SORCS2: variants seen among roughly 807,000 people sequenced by gnomAD.
The protein encoded by SORCS2 is sortilin related VPS10 domain containing receptor 2.
Under a neutral mutation model 141.6 loss-of-function variants are expected in SORCS2, and 100 were observed. The ratio of observed to expected loss-of-function variants is 0.71; its 90% CI spans 0.60 to 0.83. SORCS2 has a LOEUF of 0.83. Ranked by LOEUF, SORCS2 falls within the 40% of genes least tolerant of loss-of-function variation. The probability of loss-of-function intolerance (pLI) is 0.00; values close to 1 mark genes in which losing one functional copy is unlikely to be tolerated. For missense variants in SORCS2, 1,646 were observed against 1,560.2 expected (o/e 1.05, Z -0.93); for synonymous variants, 789 against 676.9 (o/e 1.17, Z -2.57).
chr4:7,638,804 C>T (rs1384205232), intron 4 of SORCS2, among the ~76,000 whole-genome samples: 1 of 152,242 alleles, frequency 6.6e-6, no homozygotes, highest in Admixed American at 6.5e-5. Flanking sequence ...CTCGCCATCC[C>T]TTTCTGCACA....
chr4:7,593,510 C>T (rs1717052762), intron 3 of SORCS2, among the ~76,000 whole-genome samples: 1 of 152,190 alleles, frequency 6.6e-6, no homozygotes, highest in Admixed American at 6.5e-5. Context: ...TGCTCCCCTT[C>T]CAAGGCCCTT....
intron 3 of SORCS2, among the ~76,000 whole-genome samples, chr4:7,611,931 A>G (rs550740271): frequency 1.3e-5 from 2 of 152,236 alleles, no homozygotes; most frequent in Non-Finnish European, 2.9e-5. Context: ...CCGAGAGGCC[A>G]GGGAGGCCAG....
At chr4:7,306,791 C>T (rs904474592) in intron 1 of SORCS2, among the ~76,000 whole-genome samples, 3 of 152,176 alleles carry the variant, frequency 2.0e-5, no homozygotes, top group African/African-American at 4.8e-5. Flanking sequence ...GGCCCCGTCC[C>T]TGGAGGGGTG....
intron 2 of SORCS2, among the ~76,000 whole-genome samples, chr4:7,513,070 G>A (rs1298262250): frequency 1.3e-5 from 2 of 150,692 alleles, no homozygotes; most frequent in Non-Finnish European, 3.0e-5. Flanking sequence ...GGAGAGGGTC[G>A]CAGCCTGAAG....
intron 6 of SORCS2, among the ~76,000 whole-genome samples, chr4:7,661,784 G>A (rs1418362230): frequency 6.6e-6 from 1 of 152,210 alleles, no homozygotes; most frequent in African/African-American, 2.4e-5. Flanking sequence ...TATTAAGGGG[G>A]CGATTTGTTC....
intron 2 of SORCS2, among the ~76,000 whole-genome samples, chr4:7,506,569 G>C (rs41420347): frequency 6.6e-6 from 1 of 151,590 alleles, no homozygotes; most frequent in Non-Finnish European, 1.5e-5. Context: ...AGTGGAACCC[G>C]TAAGTCACAA....
chr4:7,209,858 T>C (rs1727961890), intron 1 of SORCS2, among the ~76,000 whole-genome samples: 1 of 152,116 alleles, frequency 6.6e-6, no homozygotes, highest in South Asian at 2.1e-4. Flanking sequence ...CCAGAGAGCA[T>C]TTTGGGAGGT....
At chr4:7,732,488 G>A (rs1711781409) in intron 23 of SORCS2, among the ~76,000 whole-genome samples, 1 of 152,296 alleles carries the variant, frequency 6.6e-6, no homozygotes, top group South Asian at 2.1e-4. Flanking sequence ...GGCCCACAAG[G>A]CTGGCTGCCT....
intron 1 of SORCS2, among the ~76,000 whole-genome samples, chr4:7,345,459 C>G (rs1347422330): frequency 6.6e-6 from 1 of 152,116 alleles, no homozygotes; most frequent in Non-Finnish European, 1.5e-5. Flanking sequence ...CAGTGAGGGG[C>G]AGTAACTTGG....
At chr4:7,661,434 G>A (rs1012467160) in intron 5 of SORCS2, 66 bp from the exon 6 acceptor site, 2 of 1,517,178 alleles carry the variant, frequency 1.3e-6, no homozygotes, top group Non-Finnish European at 1.8e-6. Context: ...AGGGAGTGTG[G>A]GGAGCAGCTG....
intron 24 of SORCS2, among the ~76,000 whole-genome samples, chr4:7,733,679 G>A (rs1221994558): frequency 6.6e-6 from 1 of 152,222 alleles, no homozygotes; most frequent in African/African-American, 2.4e-5. Flanking sequence ...CCAACCCACA[G>A]AGCTGTCTCC....
At chr4:7,491,250 G>A (rs923676198) in intron 2 of SORCS2, among the ~76,000 whole-genome samples, 10 of 152,202 alleles carry the variant, frequency 6.6e-5, no homozygotes, top group Non-Finnish European at 1.0e-4. Context: ...AGTAACCCAT[G>A]CTCAGCCTCC....
At chr4:7,478,536 T>G (rs1730439431) in intron 2 of SORCS2, among the ~76,000 whole-genome samples, 1 of 152,140 alleles carries the variant, frequency 6.6e-6, no homozygotes, top group African/African-American at 2.4e-5. Context: ...GAGTCTGTCA[T>G]GTTCTCCGCT....
chr4:7,665,110 C>A (rs1722421869), intron 7 of SORCS2, among the ~76,000 whole-genome samples: 1 of 152,194 alleles, frequency 6.6e-6, no homozygotes, highest in Non-Finnish European at 1.5e-5. Flanking sequence ...CCTCTGGGAC[C>A]CTGTAAAACA....
At chr4:7,314,829 T>TTTTTTTTTTG (rs1560185676) in intron 1 of SORCS2, among the ~76,000 whole-genome samples, 1 of 116,516 alleles carries the variant, frequency 8.6e-6, no homozygotes, top group African/African-American at 3.5e-5. Context: ...TTTTTTTTTT[T>TTTTTTTTTTG]ATTGTTGTTG....
At position 7,653,218 on chromosome 4, in the gene SORCS2, C is replaced by A. The variant is rs140995172; in HGVS notation, c.814-916C>A. Among the ~76,000 whole-genome samples, 243 of 152,316 alleles carry A rather than the reference C, an allele frequency of 1.6e-3. 3 individuals are homozygous for A. Among genetic ancestry groups the A allele is most frequent in the African/African-American group, 5.7e-3 (236 of 41,580 alleles). On this transcript the variant is annotated intron_variant, in intron 4 of 26. Coordinates refer to ENST00000507866, the MANE Select transcript of SORCS2 (RefSeq NM_020777.3). Reference sequence around the variant, plus strand: ...AACCCATGCTCTCTTGCCCCCTCAGCCTTCACTTCCAAAGCTCCAACTAAA... The same window carrying A: ...AACCCATGCTCTCTTGCCCCCTCAGACTTCACTTCCAAAGCTCCAACTAAA...
chr4:7,534,940 G>A (rs978138952), intron 3 of SORCS2, among the ~76,000 whole-genome samples: 2 of 152,220 alleles, frequency 1.3e-5, no homozygotes, highest in Non-Finnish European at 2.9e-5. Context: ...GGGGCTGGGA[G>A]TAGGGAGGCC....
At chr4:7,388,556 T>A (rs1723637277) in intron 1 of SORCS2, among the ~76,000 whole-genome samples, 1 of 152,128 alleles carries the variant, frequency 6.6e-6, no homozygotes, top group Admixed American at 6.5e-5. Context: ...CCTCCCCGCT[T>A]CCCCACCCAC....
intron 7 of SORCS2, 58 bp from the exon 8 acceptor site, chr4:7,667,066 A>C: frequency 4.2e-6 from 6 of 1,444,620 alleles, no homozygotes; most frequent in Non-Finnish European, 5.8e-6. Flanking sequence ...TTCATTCATG[A>C]GACTGTGGCT....
Sources: gnomAD v4.1 joint callset for allele counts (sites outside exome capture counted in the v4.1 genomes callset) on GRCh38, gnomAD v4.1.1 for gene constraint, MANE v1.5 for transcripts, NCBI Gene and HGNC (gene_info 2026-07-23, HGNC 2026-07-21) for gene names.